Variants in PMFBP1 observed in about 807,000 individuals in gnomAD.
PMFBP1 encodes the protein polyamine modulated factor 1 binding protein 1, also known as polyamine-modulated factor 1-binding protein 1.
Under a neutral mutation model 137.8 loss-of-function variants are expected in PMFBP1, and 131 were observed. The observed-to-expected ratio is 0.95, with a 90% CI of 0.82 to 1.10. PMFBP1 has a LOEUF of 1.10. PMFBP1 is among the 50% of genes least tolerant of loss of function. PMFBP1 has a pLI of 0.00. For missense variants in PMFBP1, 1,199 were observed against 1,175.4 expected (o/e 1.02, Z -0.29); for synonymous variants, 490 against 450.4 (o/e 1.09, Z -1.11).
upstream of PMFBP1, among the ~76,000 whole-genome samples, chr16:72,174,648 G>A (rs1353404407): frequency 6.6e-6 from 1 of 152,216 alleles, no homozygotes; most frequent in African/African-American, 2.4e-5. Flanking sequence ...GCATGGCTGG[G>A]GAGGCCTCAG....
intron 2 of PMFBP1, 144 bp from the exon 3 acceptor site, chr16:72,165,060 AT>A: frequency 1.3e-6 from 1 of 798,266 alleles, no homozygotes; most frequent in Non-Finnish European, 1.9e-6. Flanking sequence ...CCTGTGTAAC[AT>A]TTACACAGTT....
the PMFBP1 span, among the ~76,000 whole-genome samples, chr16:72,229,086 T>C: frequency 6.6e-6 from 1 of 152,170 alleles, no homozygotes; most frequent in Non-Finnish European, 1.5e-5. Context: ...CTCTCACTTA[T>C]AAGTGAGAAC....
At chr16:72,226,735 C>T in the PMFBP1 span, among the ~76,000 whole-genome samples, 1 of 152,064 alleles carries the variant, frequency 6.6e-6, no homozygotes, top group African/African-American at 2.4e-5. Flanking sequence ...AACAACAATT[C>T]CACATCTGAA....
chr16:72,177,394 A>C (rs561965442), upstream of PMFBP1, among the ~76,000 whole-genome samples: 2 of 152,122 alleles, frequency 1.3e-5, no homozygotes, highest in African/African-American at 4.8e-5. Flanking sequence ...TCCCCCTTAC[A>C]GCCCTTTTCC....
intron 9 of PMFBP1, among the ~76,000 whole-genome samples, chr16:72,133,512 G>T (rs1450937675): frequency 6.6e-6 from 1 of 151,710 alleles, no homozygotes; most frequent in Non-Finnish European, 1.5e-5. Flanking sequence ...ACTTTTTGAG[G>T]CACTCTCACT....
At position 72,119,321 on chromosome 16, in the gene PMFBP1, A is replaced by C; in HGVS notation, c.*17T>G. The C allele has an allele frequency of 2.5e-6, 4 of 1,613,046 alleles. No individual in the cohort carries two copies. Among genetic ancestry groups the C allele is most frequent in the Non-Finnish European group, 3.4e-6 (4 of 1,179,000 alleles). Reference sequence around the variant, plus strand: ...AGAAACACCCGTGGAAATGCTGCTCAGGGCTAGATGTGGATTCTAGCAGTA... The same window carrying C: ...AGAAACACCCGTGGAAATGCTGCTCCGGGCTAGATGTGGATTCTAGCAGTA... On this transcript the variant is annotated 3_prime_UTR_variant, in exon 21 of 21. Coordinates refer to ENST00000237353, the MANE Select transcript of PMFBP1 (RefSeq NM_031293.3).
At chr16:72,156,080 C>T (rs192490776) in intron 3 of PMFBP1, among the ~76,000 whole-genome samples, 39 of 152,200 alleles carry the variant, frequency 2.6e-4, no homozygotes, top group African/African-American at 7.7e-4. Context: ...TCCACCTCCC[C>T]GGTTCAAGTG....
At chr16:72,204,513 T>C in the PMFBP1 span, among the ~76,000 whole-genome samples, 1 of 152,074 alleles carries the variant, frequency 6.6e-6, no homozygotes, top group South Asian at 2.1e-4. Context: ...ATTGTGCACA[T>C]TTATCCCCTG....
chr16:72,195,478 A>G, the PMFBP1 span, among the ~76,000 whole-genome samples: 3 of 152,116 alleles, frequency 2.0e-5, no homozygotes, highest in African/African-American at 7.2e-5. Flanking sequence ...ACAAGAACCC[A>G]GCCCCGCTTT....
chr16:72,145,333 G>C (rs763657904), intron 5 of PMFBP1, among the ~76,000 whole-genome samples: 3 of 152,016 alleles, frequency 2.0e-5, no homozygotes, highest in Non-Finnish European at 4.4e-5. Context: ...TTGAAACCAA[G>C]GAGAACAAAG....
At chr16:72,242,496 C>A in the PMFBP1 span, among the ~76,000 whole-genome samples, 1 of 152,078 alleles carries the variant, frequency 6.6e-6, no homozygotes, top group African/African-American at 2.4e-5. Context: ...TCTATAGAAC[C>A]TTTTCTTTTT....
the PMFBP1 span, among the ~76,000 whole-genome samples, chr16:72,220,210 T>A: frequency 3.9e-5 from 6 of 152,208 alleles, no homozygotes; most frequent in Non-Finnish European, 8.8e-5. Context: ...CAAACTTTTT[T>A]AAAGAAGCTT....
the PMFBP1 span, among the ~76,000 whole-genome samples, chr16:72,239,685 A>G: frequency 1.3e-5 from 2 of 152,054 alleles, no homozygotes; most frequent in African/African-American, 2.4e-5. Flanking sequence ...CAAGGTCAGG[A>G]GATCGAGACC....
At chr16:72,194,455 C>T in the PMFBP1 span, among the ~76,000 whole-genome samples, 3 of 152,312 alleles carry the variant, frequency 2.0e-5, no homozygotes, top group East Asian at 5.8e-4. Context: ...TTATTCAAGG[C>T]ATCCTGGGCC....
the PMFBP1 span, among the ~76,000 whole-genome samples, chr16:72,248,722 C>T: frequency 6.6e-6 from 1 of 152,136 alleles, no homozygotes; most frequent in East Asian, 1.9e-4. Context: ...CTGGTTCATT[C>T]CAGAGTGGGG....
At chr16:72,195,484 G>A in the PMFBP1 span, among the ~76,000 whole-genome samples, 2 of 152,072 alleles carry the variant, frequency 1.3e-5, no homozygotes, top group East Asian at 1.9e-4. Flanking sequence ...ACCCAGCCCC[G>A]CTTTAACCTT....
At position 72,141,053 on chromosome 16, in the gene PMFBP1, GC is replaced by G. The variant is rs552861696; in HGVS notation, c.637-472del. Among the ~76,000 whole-genome samples the G allele has an allele frequency of 1.2e-4, 18 of 146,714 alleles. No homozygotes were observed. The South Asian group carries it at 3.5e-3, about 28-fold the overall frequency. On this transcript the variant is annotated intron_variant, in intron 5 of 20. Coordinates refer to ENST00000237353, the MANE Select transcript of PMFBP1 (RefSeq NM_031293.3). ...AGGTTCAAGCGATTCTCCTGCCTCA[GC>G]CCCCCAAATAGCTAGAATTACAGGC...
intron 3 of PMFBP1, among the ~76,000 whole-genome samples, chr16:72,154,802 G>A (rs1457748308): frequency 6.6e-6 from 1 of 152,156 alleles, no homozygotes; most frequent in Non-Finnish European, 1.5e-5. Context: ...GATAACACTA[G>A]TGACTTGGAA....
chr16:72,208,875 C>G, the PMFBP1 span, among the ~76,000 whole-genome samples: 1 of 152,202 alleles, frequency 6.6e-6, no homozygotes, highest in Non-Finnish European at 1.5e-5. Context: ...GGCTGAGGCA[C>G]AGTGACATGT....
Sources: allele counts gnomAD v4.1 joint callset (sites outside exome capture counted in the v4.1 genomes callset), GRCh38; gene constraint gnomAD v4.1.1; transcripts MANE v1.5; gene names NCBI Gene and HGNC (gene_info 2026-07-23, HGNC 2026-07-21).